The following APPL1 variants were observed in gnomAD, a reference collection of about 807,000 sequenced individuals.
APPL1 encodes DCC-interacting protein 13-alpha.
APPL1 carries 42 observed loss-of-function variants against 106.8 expected under a neutral mutation model. That is an observed-to-expected ratio of 0.39 (90% CI 0.31 to 0.51). The LOEUF is 0.51. Among genes scored for constraint, APPL1 ranks in the 20% least tolerant of loss-of-function variants. The pLI, the probability that APPL1 is intolerant of heterozygous loss-of-function variation, is 0.75. For missense variants in APPL1, 769 were observed against 858.2 expected (o/e 0.90, Z 1.30); for synonymous variants, 263 against 281.8 (o/e 0.93, Z 0.67).
rs759306672 is a variant in APPL1, at chr3:57,267,722, C to CATACTTTTT, written c.1843-19_1843-11dup. On this transcript the variant is annotated intron_variant, in intron 19 of 21. Coordinates refer to ENST00000288266, the MANE Select transcript of APPL1 (RefSeq NM_012096.3). The stretch of plus-strand genomic sequence containing the variant: ...TGTTGTGAGAACTGCCTGAATTTTT[C>CATACTTTTT]ATACTTTTTCTCTTTTTAGATATGT... 100 of 1,612,530 alleles carry CATACTTTTT rather than the reference C, an allele frequency of 6.2e-5. No homozygotes were observed. The highest frequency in any genetic ancestry group is 8.5e-5 in the Non-Finnish European group (100 of 1,179,034).
chr3:57,229,928 G>A (rs899077475), intron 1 of APPL1, among the ~76,000 whole-genome samples: 26 of 152,112 alleles, frequency 1.7e-4, no homozygotes, highest in Admixed American at 1.6e-3. Flanking sequence ...TGGCCAGGCT[G>A]GTCTCGAACT....
intron 5 of APPL1, 102 bp from the exon 6 acceptor site, chr3:57,241,999 A>G: frequency 1.2e-6 from 1 of 813,536 alleles, no homozygotes; most frequent in South Asian, 2.0e-5. Context: ...ACTATGAAAT[A>G]TTATTTTGAG....
At chr3:57,256,569 C>T (rs975657119) in intron 13 of APPL1, among the ~76,000 whole-genome samples, 2 of 152,088 alleles carry the variant, frequency 1.3e-5, no homozygotes, top group African/African-American at 2.4e-5. Context: ...ACAAATGTAT[C>T]GATTGTCCAT....
chr3:57,254,824 C>T (rs1240395391), intron 13 of APPL1, among the ~76,000 whole-genome samples: 3 of 152,054 alleles, frequency 2.0e-5, no homozygotes, highest in Non-Finnish European at 4.4e-5. Context: ...AGGGTTTTGC[C>T]ATGTTGGCCA....
intron 5 of APPL1, among the ~76,000 whole-genome samples, chr3:57,241,115 G>A (rs1243965232): frequency 6.6e-6 from 1 of 152,200 alleles, no homozygotes; most frequent in African/African-American, 2.4e-5. Context: ...CAGATTATGA[G>A]CAAAGGAGAA....
intron 10 of APPL1, 79 bp from the exon 11 acceptor site, chr3:57,249,277 TAACA>T: frequency 6.9e-7 from 1 of 1,455,050 alleles, no homozygotes; most frequent in Admixed American, 1.8e-5. Context: ...CAGTTCATTG[TAACA>T]TGCTTTATCT....
At chr3:57,259,820 T>G (rs750098165) in intron 16 of APPL1, 25 bp from the exon 17 acceptor site, 2 of 1,489,598 alleles carry the variant, frequency 1.3e-6, no homozygotes, top group Non-Finnish European at 1.8e-6. Context: ...AAAAAAAATA[T>G]GTAATACACC....
intron 18 of APPL1, 164 bp downstream of exon 18, chr3:57,260,317 C>A: frequency 1.4e-6 from 1 of 694,980 alleles, no homozygotes. Flanking sequence ...AAAAAGTTGT[C>A]ATTGAACATT....
intron 5 of APPL1, among the ~76,000 whole-genome samples, 193 bp from the exon 6 acceptor site, chr3:57,241,908 G>T (rs2060748320): frequency 6.6e-6 from 1 of 152,152 alleles, no homozygotes; most frequent in South Asian, 2.1e-4. Flanking sequence ...AGATTTTCTG[G>T]TGGTGTAACT....
chr3:57,268,499 TA>T lies in APPL1; in HGVS notation c.1983+14del. On this transcript the variant is annotated intron_variant, in intron 21 of 21. Transcript: ENST00000288266. ...AACAGATTGAAAAGGTATACAGTCC[TA>T]ATGTCTGGATCTTTATGTGTTGTTT... 6.3e-7 allele frequency: 1 copy of T among 1,580,938 alleles called. No homozygotes were observed. The highest frequency in any genetic ancestry group is 8.6e-7 in the Non-Finnish European group (1 of 1,168,132).
rs897139438 is a variant in APPL1 at position 57,252,317 on chromosome 3, A to G, written c.1095+6A>G. On this transcript the variant is annotated splice_donor_region_variant and intron_variant, in intron 12 of 21. Coordinates refer to ENST00000288266, the MANE Select transcript of APPL1 (RefSeq NM_012096.3). Reference sequence around the variant, plus strand: ...GTAAAAAAGATCATGAAGAGGTAAGATTTTACCTAGTTCATTTCTTCATTG... The same window carrying G: ...GTAAAAAAGATCATGAAGAGGTAAGGTTTTACCTAGTTCATTTCTTCATTG... The G allele has an allele frequency of 1.3e-6, 2 of 1,590,958 alleles. No homozygotes were observed. The highest frequency in any genetic ancestry group is 1.7e-6 in the Non-Finnish European group (2 of 1,163,720).
chr3:57,269,517 T>G (rs1352487456), intron 21 of APPL1, 24 bp from the exon 22 acceptor site: 2 of 1,609,688 alleles, frequency 1.2e-6, no homozygotes, highest in Middle Eastern at 1.7e-4. Context: ...AGTAACTTAG[T>G]TTCTTTTTTG....
Position 57,248,477 on chromosome 3 carries a change from T to C in APPL1, c.863+126T>C. ...AAAGGTTGAAACTTTTTAGAGGTGT[T>C]AGTATTTATGTGAACTTTTTGACAG... On this transcript the variant is annotated intron_variant, in intron 10 of 21. Transcript: ENST00000288266. The C allele has an allele frequency of 2.8e-6, 3 of 1,090,220 alleles. No homozygotes were observed. In the South Asian group the frequency reaches 5.2e-5, roughly 19 times the overall value. The allele number at this position is 1,090,220 out of a possible 1,614,324, so 67.5% of individuals were successfully genotyped here. A position where few individuals can be genotyped will look rare whatever the true frequency, so the allele number is the denominator to read the frequency against.
intron 12 of APPL1, among the ~76,000 whole-genome samples, chr3:57,252,998 A>G (rs1014852874): frequency 6.6e-6 from 1 of 152,186 alleles, no homozygotes; most frequent in Non-Finnish European, 1.5e-5. Context: ...CTTATGGAAA[A>G]GAGTAATATT....
At chr3:57,247,796 AT>A (rs2060782921) in intron 9 of APPL1, among the ~76,000 whole-genome samples, 1 of 152,120 alleles carries the variant, frequency 6.6e-6, no homozygotes, top group Non-Finnish European at 1.5e-5. Context: ...TTGATGGGAG[AT>A]TACTAAATAT....
Position 57,246,229 on chromosome 3 carries a change from A to G in APPL1, c.621+7A>G, listed in dbSNP as rs746613684. ...TGGGTACATGCAAGCTCAGGTAAAT[A>G]CTGTACTGTATTTGGATTATAACTG... On this transcript the variant is annotated splice_region_variant and intron_variant, in intron 8 of 21. Coordinates refer to ENST00000288266, the MANE Select transcript of APPL1 (RefSeq NM_012096.3). The G allele has an allele frequency of 6.2e-5, 98 of 1,583,196 alleles. No homozygotes were observed. Among genetic ancestry groups the G allele is most frequent in the East Asian group, 1.1e-4 (5 of 44,294 alleles).
At chr3:57,243,261 T>C (rs1370224733) in intron 7 of APPL1, among the ~76,000 whole-genome samples, 1 of 152,196 alleles carries the variant, frequency 6.6e-6, no homozygotes, top group Non-Finnish European at 1.5e-5. Context: ...TGAGATAGAG[T>C]GGTCACACAC....
At chr3:57,261,979 G>A (rs949298605) in intron 19 of APPL1, among the ~76,000 whole-genome samples, 1 of 152,130 alleles carries the variant, frequency 6.6e-6, no homozygotes, top group African/African-American at 2.4e-5. Flanking sequence ...GGTAAGAATG[G>A]CTCATTGTCA....
chr3:57,241,127 C>A (rs2060744014), intron 5 of APPL1, among the ~76,000 whole-genome samples: 1 of 152,022 alleles, frequency 6.6e-6, no homozygotes, highest in African/African-American at 2.4e-5. Flanking sequence ...AAAGGAGAAG[C>A]CAATGGGGGT....
Sources: gnomAD v4.1 joint callset for allele counts (sites outside exome capture counted in the v4.1 genomes callset) on GRCh38, gnomAD v4.1.1 for gene constraint, MANE v1.5 for transcripts, NCBI Gene and HGNC (gene_info 2026-07-23, HGNC 2026-07-21) for gene names.